Variants in USP42 observed in about 807,000 individuals in gnomAD.
USP42 encodes ubiquitin specific peptidase 42.
A neutral mutation model predicts 113.0 loss-of-function variants in USP42; 23 were observed. The ratio of observed to expected loss-of-function variants is 0.20; its 90% CI spans 0.15 to 0.29. The LOEUF is 0.29. Ranked by LOEUF, USP42 falls within the 10% of genes least tolerant of loss-of-function variation. The pLI, the probability that USP42 is intolerant of heterozygous loss-of-function variation, is 1.00. For missense variants in USP42, 2,174 were observed against 1,779.8 expected, an observed-to-expected ratio of 1.22 and a Z score of -3.99; for synonymous variants, 933 against 699.0, an observed-to-expected ratio of 1.33 and a Z score of -5.28.
chr7:6,117,511 A>T (rs1476018729), intron 3 of USP42, among the ~76,000 whole-genome samples: 1 of 152,244 alleles, frequency 6.6e-6, no homozygotes, highest in South Asian at 2.1e-4. Context: ...GAACATTAGC[A>T]AACAAGCCTT....
At chr7:6,128,816 T>G (rs1023206090) in intron 3 of USP42, among the ~76,000 whole-genome samples, 3 of 148,286 alleles carry the variant, frequency 2.0e-5, no homozygotes, top group Non-Finnish European at 4.4e-5. Flanking sequence ...ACTTGAGTCT[T>G]TCTTTCTTTT....
At chr7:6,141,019 T>G (rs1472798706) in intron 7 of USP42, 35 bp downstream of exon 7, 2 of 1,105,854 alleles carry the variant, frequency 1.8e-6, no homozygotes, top group South Asian at 3.0e-5. Context: ...ATTACATTTT[T>G]AAAATAAGTC....
intron 3 of USP42, among the ~76,000 whole-genome samples, 160 bp from the exon 4 acceptor site, chr7:6,135,681 C>CA (rs1334949037): frequency 2.9e-5 from 3 of 102,562 alleles, no homozygotes; most frequent in African/African-American, 7.5e-5. Flanking sequence ...AAAAAAAGAA[C>CA]AAAAAAAAGT....
intron 3 of USP42, among the ~76,000 whole-genome samples, chr7:6,127,570 T>TA (rs1212435949): frequency 6.6e-6 from 1 of 152,012 alleles, no homozygotes; most frequent in African/African-American, 2.4e-5. Context: ...TCTTTGTAAT[T>TA]AAAAAAAATT....
chr7:6,092,165 T>G, the USP42 span, among the ~76,000 whole-genome samples: 1 of 141,370 alleles, frequency 7.1e-6, no homozygotes, highest in South Asian at 2.2e-4. Flanking sequence ...TTCTTCTTCT[T>G]TCTTCTTCTT....
intron 2 of USP42, among the ~76,000 whole-genome samples, chr7:6,114,544 G>A (rs1280697605): frequency 2.0e-5 from 3 of 149,186 alleles, no homozygotes; most frequent in Admixed American, 1.3e-4. Flanking sequence ...AATCAAAAAT[G>A]TATTTACATG....
intron 15 of USP42, among the ~76,000 whole-genome samples, chr7:6,156,552 T>C (rs1562861253): frequency 6.6e-6 from 1 of 152,104 alleles, no homozygotes; most frequent in Non-Finnish European, 1.5e-5. Flanking sequence ...TGGGCTCAAG[T>C]GATCCTCCTG....
In USP42 at chr7:6,153,796, G is replaced by A. The variant is rs774904898; in HGVS notation, c.2242G>A (p.Ala748Thr). Residue 748 changes from alanine (A) to threonine (T), a missense_variant, in exon 15 of 18, where the codon GCC (alanine) becomes ACC (threonine). Transcript: ENST00000306177. The stretch of plus-strand genomic sequence containing the variant: ...GAGGGGCCCTCCCGAGGACCGCGAC[G>A]CCGAGCCTCAGCCTGGCAGCCCCGC... ...AERGPPEDRD[A>T]EPQPGSPAAE... 3 of 1,510,992 alleles carry A rather than the reference G, an allele frequency of 2.0e-6. No homozygotes were observed. Among genetic ancestry groups the A allele is most frequent in the South Asian group, 2.5e-5 (2 of 80,042 alleles). The allele number at this position is 1,510,992 out of a possible 1,614,324, so 93.6% of individuals were successfully genotyped here. A position where few individuals can be genotyped will look rare whatever the true frequency, so the allele number is the denominator to read the frequency against.
At chr7:6,124,277 TC>T (rs1432587275) in intron 3 of USP42, among the ~76,000 whole-genome samples, 2 of 152,164 alleles carry the variant, frequency 1.3e-5, no homozygotes, top group Non-Finnish European at 2.9e-5. Context: ...TTCCCTTTTT[TC>T]TTTTTTTGAG....
chr7:6,122,688 C>T (rs775054680), intron 3 of USP42, among the ~76,000 whole-genome samples: 4 of 151,614 alleles, frequency 2.6e-5, no homozygotes, highest in Non-Finnish European at 5.9e-5. Context: ...CCAGGATGGT[C>T]TCTTATCTCC....
chr7:6,124,902 C>G (rs6965578), intron 3 of USP42, among the ~76,000 whole-genome samples: 5 of 151,836 alleles, frequency 3.3e-5, no homozygotes, highest in Non-Finnish European at 7.4e-5. Context: ...CTTCTCAGGC[C>G]GGTGCCAGTG....
chr7:6,088,269 T>A, the USP42 span, among the ~76,000 whole-genome samples: 1 of 151,018 alleles, frequency 6.6e-6, no homozygotes, highest in African/African-American at 2.5e-5. Flanking sequence ...TTTTTTTTCT[T>A]TTTGCGACGG....
the USP42 span, among the ~76,000 whole-genome samples, chr7:6,092,035 C>CTTCTTCTTCTTCTTCT: frequency 2.1e-3 from 210 of 98,206 alleles, 2 homozygotes; most frequent in African/African-American, 8.0e-3. Flanking sequence ...TCTTCTTCTT[C>CTTCTTCTTCTTCTTCT]TTCTTCTTCT....
chr7:6,159,408 G>A lies in USP42; in HGVS notation c.3944-42G>A. 9 of 1,613,724 alleles carry A rather than the reference G, an allele frequency of 5.6e-6. No individual in the cohort carries two copies. Among genetic ancestry groups the A allele is most frequent in the Non-Finnish European group, 5.9e-6 (7 of 1,179,774 alleles). ...ACACAGCAGAGGCCCTGGCGATTTT[G>A]CAACCATCATTAAAATCTCTTTCCT... On this transcript the variant is annotated intron_variant, in intron 16 of 17. Coordinates refer to ENST00000306177, the MANE Select transcript of USP42 (RefSeq NM_032172.3). This position sits in a 1 kb window ranked among gnomAD's most constrained non-coding sequence, Gnocchi z 4.1.
In USP42 at chr7:6,145,478, C is replaced by T. The variant is rs762309787; in HGVS notation, c.991-38C>T. The T allele has an allele frequency of 3.7e-6, 6 of 1,612,816 alleles. No homozygotes were observed. The South Asian group carries it at 4.4e-5, about 12-fold the overall frequency. On this transcript the variant is annotated intron_variant, in intron 9 of 17. Transcript: ENST00000306177. ...ACCTGAATATGTGGAATGATCTGTG[C>T]CCTCGGAAATGTTTCTCCTGTTTCC...
chr7:6,126,782 C>G (rs1780570896), intron 3 of USP42, among the ~76,000 whole-genome samples: 1 of 151,944 alleles, frequency 6.6e-6, no homozygotes, highest in African/African-American at 2.4e-5. Context: ...CGGTAAACAT[C>G]CAGGTTGTTA....
At chr7:6,082,016 G>C in the USP42 span, among the ~76,000 whole-genome samples, 5 of 152,028 alleles carry the variant, frequency 3.3e-5, no homozygotes, top group Middle Eastern at 3.4e-3. Context: ...ATTTTCTGCG[G>C]GGACTTGTCT....
chr7:6,085,673 G>C, the USP42 span, among the ~76,000 whole-genome samples: 1 of 148,232 alleles, frequency 6.7e-6, no homozygotes, highest in Admixed American at 6.7e-5. Context: ...GGAGTGCAGT[G>C]GCATAATCTC....
chr7:6,131,424 T>A, intron 3 of USP42, among the ~76,000 whole-genome samples: 1 of 151,880 alleles, frequency 6.6e-6, no homozygotes, highest in Non-Finnish European at 1.5e-5. Flanking sequence ...CAGTGAGCCG[T>A]GATCCCGCCA....
Sources: allele counts gnomAD v4.1 joint callset (sites outside exome capture counted in the v4.1 genomes callset), GRCh38; gene constraint gnomAD v4.1.1; non-coding constraint Gnocchi (gnomAD v3.1); transcripts MANE v1.5; gene names NCBI Gene and HGNC (gene_info 2026-07-23, HGNC 2026-07-21).